CLNK: variants seen among roughly 807,000 people sequenced by gnomAD.
The protein encoded by CLNK is cytokine-dependent hematopoietic cell linker.
CLNK carries 74 observed loss-of-function variants against 68.6 expected under a neutral mutation model. The ratio of observed to expected loss-of-function variants is 1.08; its 90% CI spans 0.89 to 1.31. The LOEUF (loss-of-function observed/expected upper bound fraction) is 1.31, where lower values mean the gene tolerates loss of function less well. CLNK is among the 50% of genes most tolerant of loss of function. CLNK has a pLI of 0.00. For synonymous variants in CLNK, 198 were observed against 172.2 expected, an observed-to-expected ratio of 1.15 and a Z score of -1.17; for missense variants, 553 against 515.3, an observed-to-expected ratio of 1.07 and a Z score of -0.71.
At chr4:10,718,256 G>T in the CLNK span, among the ~76,000 whole-genome samples, 1 of 152,000 alleles carries the variant, frequency 6.6e-6, no homozygotes, top group African/African-American at 2.4e-5. Flanking sequence ...AATACTCAGA[G>T]AAATAAATAC....
intron 3 of CLNK, among the ~76,000 whole-genome samples, chr4:10,595,426 T>C (rs1560233831): frequency 2.0e-5 from 3 of 152,292 alleles, no homozygotes; most frequent in African/African-American, 7.2e-5. Flanking sequence ...GCGGATTTAG[T>C]AGGATGTTAT....
intron 11 of CLNK, among the ~76,000 whole-genome samples, chr4:10,535,794 A>G (rs766976388): frequency 6.6e-6 from 1 of 152,076 alleles, no homozygotes; most frequent in Non-Finnish European, 1.5e-5. Flanking sequence ...GAAGTTATTT[A>G]TAATAATTAT....
chr4:10,525,836 CT>C lies in CLNK; in HGVS notation c.731+4del. On this transcript the variant is annotated splice_donor_region_variant and intron_variant, in intron 14 of 18. Coordinates refer to ENST00000226951, the MANE Select transcript of CLNK (RefSeq NM_052964.4). Reference sequence around the variant, plus strand: ...AGACCTGAGAAAGGATTCCTGGCTCCTTACCTGCTAATGGCAAGTGGAATCT... The same window carrying C: ...AGACCTGAGAAAGGATTCCTGGCTCCTACCTGCTAATGGCAAGTGGAATCT... 6.4e-7 allele frequency: 1 copy of C among 1,562,278 alleles called. No homozygotes were observed. The highest frequency in any genetic ancestry group is 1.8e-5 in the Admixed American group (1 of 54,402).
At chr4:10,657,237 C>T (rs1021421723) in intron 2 of CLNK, among the ~76,000 whole-genome samples, 1 of 151,912 alleles carries the variant, frequency 6.6e-6, no homozygotes, top group Non-Finnish European at 1.5e-5. Context: ...CCCAGCAAAA[C>T]CAAAGTATTT....
intron 14 of CLNK, among the ~76,000 whole-genome samples, chr4:10,524,874 T>C (rs1185112522): frequency 6.6e-6 from 1 of 151,854 alleles, no homozygotes; most frequent in East Asian, 1.9e-4. Context: ...TTAAGTGGCA[T>C]TGTGGTTGCT....
At chr4:10,590,524 C>T (rs1482850981) in intron 3 of CLNK, among the ~76,000 whole-genome samples, 2 of 152,110 alleles carry the variant, frequency 1.3e-5, no homozygotes, top group Non-Finnish European at 2.9e-5. Context: ...ACTGTTAGTC[C>T]AGAATTCAGC....
intron 3 of CLNK, among the ~76,000 whole-genome samples, chr4:10,587,644 C>T (rs1017792448): frequency 6.6e-6 from 1 of 152,172 alleles, no homozygotes; most frequent in African/African-American, 2.4e-5. Flanking sequence ...TAACTTACTG[C>T]CTTCTGTTCA....
At chr4:10,723,903 A>AGT in the CLNK span, among the ~76,000 whole-genome samples, 109 of 151,672 alleles carry the variant, frequency 7.2e-4, no homozygotes, top group Non-Finnish European at 1.1e-3. Flanking sequence ...AGAGAGAGAG[A>AGT]GAGAGAGAGA....
In CLNK at chr4:10,564,774, G is replaced by A; in HGVS notation, c.296C>T (p.Thr99Ile). ...GTCCATTGCAACCTTGAAATAGTGT[G>A]TATCTATGCAAACAGAAAAATATGA... ...RPIKESEYADTHYFKVAMDTP... is the reference protein window; with the variant it reads ...RPIKESEYADIHYFKVAMDTP... Residue 99 changes from threonine (T) to isoleucine (I), a missense_variant, in exon 7 of 19, where the codon ACA becomes ATA. Transcript: ENST00000226951. 1 of 1,591,746 alleles carries A rather than the reference G, an allele frequency of 6.3e-7. No homozygotes were observed. The highest frequency in any genetic ancestry group is 8.6e-7 in the Non-Finnish European group (1 of 1,159,784).
intron 8 of CLNK, among the ~76,000 whole-genome samples, chr4:10,545,380 T>A (rs958010406): frequency 1.3e-5 from 2 of 152,198 alleles, no homozygotes; most frequent in African/African-American, 4.8e-5. Context: ...AGAATTTGGG[T>A]CCTAAGGTTC....
chr4:10,671,214 G>A (rs770329028), intron 1 of CLNK, among the ~76,000 whole-genome samples: 4 of 151,940 alleles, frequency 2.6e-5, no homozygotes, highest in African/African-American at 7.3e-5. Context: ...GGTGGAACCC[G>A]TCTCTACTAA....
chr4:10,697,341 A>G, the CLNK span: 3 of 152,052 alleles, frequency 2.0e-5, no homozygotes, highest in Non-Finnish European at 2.9e-5. Flanking sequence ...TGAATACTTG[A>G]GCAGGCCGGG....
intron 10 of CLNK, 49 bp from the exon 11 acceptor site, chr4:10,540,653 G>A: frequency 7.7e-7 from 1 of 1,298,490 alleles, no homozygotes; most frequent in Non-Finnish European, 1.1e-6. Context: ...CTGCAGCAGT[G>A]ATGCCTCAGG....
chr4:10,634,793 C>T (rs1170537336), intron 2 of CLNK, among the ~76,000 whole-genome samples: 1 of 151,438 alleles, frequency 6.6e-6, no homozygotes, highest in Non-Finnish European at 1.5e-5. Flanking sequence ...TAGTGAAAGT[C>T]ATTAGAGGTG....
intron 2 of CLNK, among the ~76,000 whole-genome samples, chr4:10,657,977 AGCT>A (rs1235146274): frequency 6.6e-6 from 1 of 152,208 alleles, no homozygotes; most frequent in Non-Finnish European, 1.5e-5. Context: ...GAAGTTCTCC[AGCT>A]GCTGTAATTA....
chr4:10,721,884 A>T, the CLNK span, among the ~76,000 whole-genome samples: 1 of 152,182 alleles, frequency 6.6e-6, no homozygotes, highest in Non-Finnish European at 1.5e-5. Context: ...TTGGCATAAA[A>T]ATATGAATAA....
chr4:10,540,389 AT>A (rs1718964815), intron 11 of CLNK, 104 bp downstream of exon 11: 12 of 797,038 alleles, frequency 1.5e-5, no homozygotes, highest in Non-Finnish European at 2.2e-5. Context: ...CTCCCCACCC[AT>A]TAGGGAGCCT....
intron 2 of CLNK, among the ~76,000 whole-genome samples, chr4:10,613,574 A>G (rs1314019820): frequency 6.6e-6 from 1 of 152,158 alleles, no homozygotes; most frequent in African/African-American, 2.4e-5. Flanking sequence ...TCTCAGACAC[A>G]GGAACACAAA....
intron 1 of CLNK, among the ~76,000 whole-genome samples, chr4:10,676,036 G>C (rs1724857502): frequency 6.9e-6 from 1 of 145,792 alleles, no homozygotes; most frequent in Admixed American, 7.1e-5. Context: ...TTGGAGAAGA[G>C]AGCCAGAAGA....
Sources: allele counts gnomAD v4.1 joint callset (sites outside exome capture counted in the v4.1 genomes callset), GRCh38; gene constraint gnomAD v4.1.1; transcripts MANE v1.5; gene names NCBI Gene and HGNC (gene_info 2026-07-23, HGNC 2026-07-21).